Variants in FHIT observed in about 807,000 individuals in gnomAD.
The protein encoded by FHIT is bis(5'-adenosyl)-triphosphatase.
Under a neutral mutation model 17.9 loss-of-function variants are expected in FHIT, and 19 were observed. That is an observed-to-expected ratio of 1.06 (90% CI 0.74 to 1.56). The LOEUF (loss-of-function observed/expected upper bound fraction) is 1.56. FHIT is among the 40% of genes most tolerant of loss of function. The pLI is 0.00. For missense variants in FHIT, 248 were observed against 189.2 expected (o/e 1.31, Z -1.82); for synonymous variants, 81 against 69.7 (o/e 1.16, Z -0.81).
chr3:60,650,781 A>C lies in FHIT; in HGVS notation c.-17-113802T>G, dbSNP rs372244491. Among the ~76,000 whole-genome samples, 3 of 152,304 alleles carry C rather than the reference A, an allele frequency of 2.0e-5. No homozygotes were observed. The East Asian group carries it at 5.8e-4, about 29-fold the overall frequency. The stretch of plus-strand genomic sequence containing the variant: ...AGATTTTTACTTTCAGAGGCACATA[A>C]TTTAAAGTGTTTTTCTTTTTCTTCT... On this transcript the variant is annotated intron_variant, in intron 4 of 9. Coordinates refer to ENST00000492590, the MANE Select transcript of FHIT (RefSeq NM_002012.4).
At chr3:60,807,754 T>G (rs1281907622) in intron 4 of FHIT, among the ~76,000 whole-genome samples, 1 of 152,198 alleles carries the variant, frequency 6.6e-6, no homozygotes, top group Non-Finnish European at 1.5e-5. Flanking sequence ...AGCCATGGTT[T>G]CTGCTTTCGT....
At chr3:60,729,614 A>T in intron 4 of FHIT, among the ~76,000 whole-genome samples, 1 of 152,354 alleles carries the variant, frequency 6.6e-6, no homozygotes, top group East Asian at 1.9e-4. Flanking sequence ...AGGACTCAAC[A>T]AAATGAATCC....
chr3:60,520,829 A>G (rs892219540), intron 5 of FHIT, among the ~76,000 whole-genome samples: 7 of 152,112 alleles, frequency 4.6e-5, no homozygotes, highest in African/African-American at 1.7e-4. Context: ...CACTATGGCA[A>G]AGCAACTCTA....
At chr3:60,885,976 A>T (rs573922173) in intron 3 of FHIT, among the ~76,000 whole-genome samples, 26 of 152,326 alleles carry the variant, frequency 1.7e-4, no homozygotes, top group Non-Finnish European at 2.4e-4. Context: ...ATAAAATAAA[A>T]GCTCAATGAG....
In FHIT at chr3:60,604,874, T is replaced by A. The variant is rs2040376; in HGVS notation, c.-17-67895A>T. ...TATAGATTCCATTCTGTTATCATCATCCCCATTTCACAGATTTCACAATGG... is the reference window on the plus strand; with the variant it reads ...TATAGATTCCATTCTGTTATCATCAACCCCATTTCACAGATTTCACAATGG... On this transcript the variant is annotated intron_variant, in intron 4 of 9. Transcript: ENST00000492590. 1.6e-4 allele frequency among the ~76,000 whole-genome samples: 25 copies of A among 152,262 alleles called. No individual in the cohort carries two copies. The East Asian group carries it at 3.9e-3, about 24-fold the overall frequency.
intron 2 of FHIT, among the ~76,000 whole-genome samples, chr3:61,114,707 G>A (rs2036251581): frequency 6.6e-6 from 1 of 152,150 alleles, no homozygotes; most frequent in South Asian, 2.1e-4. Flanking sequence ...CAATTGTAGT[G>A]AGTGAATTTT....
chr3:60,382,142 G>T (rs1700824258), intron 5 of FHIT, among the ~76,000 whole-genome samples: 1 of 152,114 alleles, frequency 6.6e-6, no homozygotes, highest in African/African-American at 2.4e-5. Flanking sequence ...CCAGCCAATG[G>T]ATTGTGCCTC....
intron 5 of FHIT, among the ~76,000 whole-genome samples, chr3:60,402,611 G>A (rs909662703): frequency 2.0e-5 from 3 of 152,132 alleles, no homozygotes; most frequent in African/African-American, 4.8e-5. Context: ...ACATGCACCA[G>A]ATTTCTGACA....
intron 4 of FHIT, among the ~76,000 whole-genome samples, chr3:60,597,594 C>A (rs1359130933): frequency 6.6e-6 from 1 of 152,034 alleles, no homozygotes; most frequent in East Asian, 1.9e-4. Flanking sequence ...TCTAGGAGGA[C>A]CCAAATGACA....
intron 3 of FHIT, among the ~76,000 whole-genome samples, chr3:60,965,912 T>C (rs1029590657): frequency 6.6e-5 from 10 of 152,302 alleles, no homozygotes; most frequent in Admixed American, 2.0e-4. Context: ...AGGCATTCTG[T>C]CCGTTCTCAG....
chr3:60,063,876 T>C (rs528779597), intron 5 of FHIT, among the ~76,000 whole-genome samples: 3 of 152,312 alleles, frequency 2.0e-5, no homozygotes, highest in Non-Finnish European at 4.4e-5. Context: ...GATTTATCAA[T>C]ACAAAACAAT....
At chr3:59,904,057 G>T (rs1704462511) in intron 8 of FHIT, among the ~76,000 whole-genome samples, 1 of 151,838 alleles carries the variant, frequency 6.6e-6, no homozygotes, top group South Asian at 2.1e-4. Flanking sequence ...ACAAAATAGT[G>T]GCTACTTCTT....
At chr3:60,550,157 G>C (rs574926943) in intron 4 of FHIT, among the ~76,000 whole-genome samples, 1 of 152,144 alleles carries the variant, frequency 6.6e-6, no homozygotes, top group African/African-American at 2.4e-5. Flanking sequence ...TCTAACTGAG[G>C]AACAACACAA....
chr3:60,241,869 G>C (rs1436084858), intron 5 of FHIT, among the ~76,000 whole-genome samples: 1 of 152,032 alleles, frequency 6.6e-6, no homozygotes, highest in East Asian at 1.9e-4. Flanking sequence ...TTATTCTCTT[G>C]ATCATCATCA....
chr3:60,533,038 C>A (rs1433380402), intron 5 of FHIT, among the ~76,000 whole-genome samples: 2 of 152,164 alleles, frequency 1.3e-5, no homozygotes, highest in Non-Finnish European at 2.9e-5. Context: ...CCTTAAAACA[C>A]AGATTGGTCC....
intron 5 of FHIT, among the ~76,000 whole-genome samples, chr3:60,295,014 C>T (rs10866033): frequency 0.61 from 93,413 of 151,894 alleles, 30,413 homozygotes; most frequent in East Asian, 0.97. Context: ...TGTGTGGATC[C>T]AAGTTTTTGT....
chr3:60,731,367 G>A (rs552560302), intron 4 of FHIT, among the ~76,000 whole-genome samples: 1 of 152,276 alleles, frequency 6.6e-6, no homozygotes, highest in Non-Finnish European at 1.5e-5. Context: ...GAAAGCTTTA[G>A]AGCTGGAATG....
intron 4 of FHIT, among the ~76,000 whole-genome samples, chr3:60,563,491 G>A (rs190544812): frequency 6.2e-4 from 94 of 152,318 alleles, no homozygotes; most frequent in African/African-American, 2.2e-3. Flanking sequence ...TAGTAAAGAA[G>A]GCATGCCAGA....
chr3:60,644,288 G>C (rs1312442653), intron 4 of FHIT, among the ~76,000 whole-genome samples: 2 of 151,860 alleles, frequency 1.3e-5, no homozygotes, highest in East Asian at 1.9e-4. Flanking sequence ...CAATATTTTT[G>C]TTTTCTCATT....
Sources: gnomAD v4.1 joint callset for allele counts (sites outside exome capture counted in the v4.1 genomes callset) on GRCh38, gnomAD v4.1.1 for gene constraint, MANE v1.5 for transcripts, NCBI Gene and HGNC (gene_info 2026-07-23, HGNC 2026-07-21) for gene names.